EEFSEC: variants seen among roughly 807,000 people sequenced by gnomAD.
EEFSEC encodes the protein eukaryotic elongation factor, selenocysteine-tRNA specific.
EEFSEC carries 43 observed loss-of-function variants against 42.1 expected under a neutral mutation model. The ratio of observed to expected loss-of-function variants is 1.02; its 90% CI spans 0.80 to 1.32. The LOEUF is 1.32. Ranked by LOEUF, EEFSEC falls within the 40% of genes most tolerant of loss-of-function variation. The pLI, the probability that EEFSEC is intolerant of heterozygous loss-of-function variation, is 0.00. For synonymous variants in EEFSEC, 354 were observed against 339.1 expected (o/e 1.04, Z -0.48); for missense variants, 745 against 803.6 (o/e 0.93, Z 0.88).
At chr3:128,254,335 A>G (rs2066220170) in intron 2 of EEFSEC, among the ~76,000 whole-genome samples, 1 of 152,212 alleles carries the variant, frequency 6.6e-6, no homozygotes, top group Non-Finnish European at 1.5e-5. Context: ...GGGTGCCATC[A>G]TCTGTGGCTG....
intron 6 of EEFSEC, among the ~76,000 whole-genome samples, chr3:128,393,359 G>A (rs148992752): frequency 5.7e-4 from 87 of 152,336 alleles, no homozygotes; most frequent in East Asian, 9.7e-4. Context: ...TGGTACACAC[G>A]CTGGTGTGTC....
intron 1 of EEFSEC, among the ~76,000 whole-genome samples, chr3:128,170,836 A>C (rs2065288984): frequency 6.6e-6 from 1 of 152,248 alleles, no homozygotes; most frequent in South Asian, 2.1e-4. Context: ...TATGGCAACC[A>C]ATAAAGTTTC....
intron 1 of EEFSEC, among the ~76,000 whole-genome samples, chr3:128,203,893 G>A (rs1456186468): frequency 6.6e-6 from 1 of 152,164 alleles, no homozygotes; most frequent in African/African-American, 2.4e-5. Context: ...AATAATCCCA[G>A]GAATTCTTAA....
chr3:128,359,336 G>A (rs2067497348), intron 6 of EEFSEC, among the ~76,000 whole-genome samples: 1 of 152,218 alleles, frequency 6.6e-6, no homozygotes, highest in Non-Finnish European at 1.5e-5. Context: ...GTGCGCTGGG[G>A]ACCGTGGGAA....
rs186565131 is a variant in EEFSEC at position 128,252,737 on chromosome 3, A to G, written c.524+5694A>G. Among the ~76,000 whole-genome samples the G allele has an allele frequency of 3.9e-5, 6 of 152,310 alleles. No homozygotes were observed. The East Asian group carries it at 1.2e-3, about 29-fold the overall frequency. On this transcript the variant is annotated intron_variant, in intron 2 of 6. Transcript: ENST00000254730. ...TACACACACATACACATATATATTTATCTGAAACTTTTTTTGTGTGCTAAC... is the reference window on the plus strand; with the variant it reads ...TACACACACATACACATATATATTTGTCTGAAACTTTTTTTGTGTGCTAAC...
chr3:128,264,761 G>A lies in EEFSEC; in HGVS notation c.766G>A (p.Val256Met), dbSNP rs756915873. ...LSGSISLGDS[V>M]EIPALKVVKK... ...AGGCTCCATCAGCCTCGGTGACAGT[G>A]TGGAGATCCCTGCCCTCAAGGTCAG... Residue 256 changes from valine to methionine, a missense_variant, in exon 4 of 7, where the codon GTG becomes ATG. Physicochemically the swap from Val to Met is conservative, Grantham distance 21. Coordinates refer to ENST00000254730, the MANE Select transcript of EEFSEC (RefSeq NM_021937.5). 4 of 1,614,052 alleles carry A rather than the reference G, an allele frequency of 2.5e-6. No homozygotes were observed. Among genetic ancestry groups the A allele is most frequent in the African/African-American group, 1.3e-5 (1 of 75,032 alleles).
intron 1 of EEFSEC, among the ~76,000 whole-genome samples, chr3:128,188,967 T>A (rs553966197): frequency 6.6e-6 from 1 of 151,936 alleles, no homozygotes; most frequent in Non-Finnish European, 1.5e-5. Context: ...TGTAGGGGAG[T>A]TGGACAGGTA....
At chr3:128,334,479 C>T (rs2067168543) in intron 4 of EEFSEC, among the ~76,000 whole-genome samples, 1 of 152,256 alleles carries the variant, frequency 6.6e-6, no homozygotes, top group Non-Finnish European at 1.5e-5. Context: ...AACATCAGGC[C>T]TGCCTTGCAG....
the EEFSEC span, among the ~76,000 whole-genome samples, chr3:128,417,624 C>T: frequency 2.0e-5 from 3 of 152,288 alleles, no homozygotes; most frequent in East Asian, 5.8e-4. The surrounding 1 kb of genome is among the most constrained non-coding windows in gnomAD (Gnocchi z 4.3). Flanking sequence ...TTGCTCACTG[C>T]TGTGTCCCAG....
Position 128,262,216 on chromosome 3 carries a change from C to T in EEFSEC, c.613C>T (p.Leu205Phe). Residue 205 changes from leucine to phenylalanine, a missense_variant, in exon 3 of 7, where the codon CTC (leucine) becomes TTC (phenylalanine). Transcript: ENST00000254730. ...TGAAGCTCCACAGGGCATTCCAGAG[C>T]TCATTGAGGTACTGTCATCTTGAAT... ...ETEAPQGIPE[L>F]IELLTSQISI... 2 of 1,614,100 alleles carry T rather than the reference C, an allele frequency of 1.2e-6. No homozygotes were observed. Among genetic ancestry groups the T allele is most frequent in the Admixed American group, 3.3e-5 (2 of 60,000 alleles).
chr3:128,262,304 A>C, intron 3 of EEFSEC, 80 bp downstream of exon 3: 1 of 1,265,314 alleles, frequency 7.9e-7, no homozygotes, highest in Non-Finnish European at 1.1e-6. Flanking sequence ...CTCTCCCCTG[A>C]GAGAGAAAGA....
At chr3:128,331,693 C>G (rs1362824148) in intron 4 of EEFSEC, among the ~76,000 whole-genome samples, 2 of 151,906 alleles carry the variant, frequency 1.3e-5, no homozygotes, top group Non-Finnish European at 2.9e-5. Flanking sequence ...CTCCAGAGAC[C>G]CCTTCTAGGA....
At chr3:128,231,332 A>G (rs771479027) in intron 1 of EEFSEC, among the ~76,000 whole-genome samples, 7 of 152,228 alleles carry the variant, frequency 4.6e-5, no homozygotes, top group Non-Finnish European at 7.3e-5. Context: ...TTTGTGAAAA[A>G]TATTGACTTT....
intron 1 of EEFSEC, among the ~76,000 whole-genome samples, chr3:128,192,522 A>G (rs1470389718): frequency 6.6e-6 from 1 of 152,044 alleles, no homozygotes; most frequent in Admixed American, 6.5e-5. Flanking sequence ...CTAGAACATT[A>G]CCCCAGAAGA....
At chr3:128,251,063 A>C (rs1292742867) in intron 2 of EEFSEC, among the ~76,000 whole-genome samples, 4 of 152,082 alleles carry the variant, frequency 2.6e-5, no homozygotes, top group Admixed American at 2.6e-4. Flanking sequence ...GCTGGTGGAT[A>C]GAAACACACC....
At chr3:128,346,114 C>T (rs1254305871) in intron 5 of EEFSEC, among the ~76,000 whole-genome samples, 1 of 152,246 alleles carries the variant, frequency 6.6e-6, no homozygotes, top group Non-Finnish European at 1.5e-5. Flanking sequence ...ATCACTGGCT[C>T]ACACTGGAAG....
chr3:128,317,214 C>T lies in EEFSEC; in HGVS notation c.787-24019C>T, dbSNP rs1048085108. On this transcript the variant is annotated intron_variant, in intron 4 of 6. Transcript: ENST00000254730. This position sits in a 1 kb window ranked among gnomAD's most constrained non-coding sequence, Gnocchi z 4.1. ...GCAGTGCGTGCTGCTGGCTGGGGGA[C>T]GACAGCCAGCATTCCCAGGAGGTCT... Among the ~76,000 whole-genome samples, 20 of 152,146 alleles carry T rather than the reference C, an allele frequency of 1.3e-4. No individual in the cohort carries two copies. Among genetic ancestry groups the T allele is most frequent in the Non-Finnish European group, 1.5e-4 (10 of 68,028 alleles).
intron 6 of EEFSEC, among the ~76,000 whole-genome samples, chr3:128,380,990 G>A (rs1006812044): frequency 3.9e-5 from 6 of 152,246 alleles, no homozygotes; most frequent in African/African-American, 1.2e-4. Flanking sequence ...TTCATGCTCA[G>A]CCTGGTTTCT....
intron 1 of EEFSEC, among the ~76,000 whole-genome samples, chr3:128,223,770 G>GCATGTGCC (rs1437312020): frequency 6.6e-6 from 1 of 152,182 alleles, no homozygotes; most frequent in Non-Finnish European, 1.5e-5. Flanking sequence ...ATGTCCATGA[G>GCATGTGCC]CATGTGCCCA....
Sources: allele counts gnomAD v4.1 joint callset (sites outside exome capture counted in the v4.1 genomes callset), GRCh38; gene constraint gnomAD v4.1.1; non-coding constraint Gnocchi (gnomAD v3.1); transcripts MANE v1.5; gene names NCBI Gene and HGNC (gene_info 2026-07-23, HGNC 2026-07-21).